The following SCEL variants were observed in gnomAD, a reference collection of about 807,000 sequenced individuals.
SCEL encodes the protein sciellin.
SCEL carries 113 observed loss-of-function variants against 117.6 expected under a neutral mutation model. The observed-to-expected ratio is 0.96, with a 90% confidence interval of 0.83 to 1.12. The LOEUF (loss-of-function observed/expected upper bound fraction) is 1.12, where lower values mean the gene tolerates loss of function less well. Ranked by LOEUF, SCEL falls within the 50% of genes most tolerant of loss-of-function variation. The pLI is 0.00. For missense variants in SCEL, 785 were observed against 810.8 expected (o/e 0.97, Z 0.39); for synonymous variants, 270 against 256.2 (o/e 1.05, Z -0.51).
intron 1 of SCEL, among the ~76,000 whole-genome samples, chr13:77,555,269 AGTT>A (rs2084588100): frequency 6.6e-6 from 1 of 152,204 alleles, no homozygotes; most frequent in Non-Finnish European, 1.5e-5. Context: ...CCAGAAGAGT[AGTT>A]CAGGAACTTT....
intron 1 of SCEL, among the ~76,000 whole-genome samples, chr13:77,538,430 T>C (rs1275962314): frequency 6.6e-6 from 1 of 152,154 alleles, no homozygotes; most frequent in African/African-American, 2.4e-5. Context: ...TCAAAAGTCT[T>C]TATCAGTTAT....
rs572192820 is a variant in SCEL at position 77,557,497 on chromosome 13, C to T, written c.161+784C>T. Among the ~76,000 whole-genome samples, 435 of 152,264 alleles carry T rather than the reference C, an allele frequency of 2.9e-3. 1 individual carries two copies. Among genetic ancestry groups the T allele is most frequent in the Non-Finnish European group, 5.1e-3 (346 of 68,014 alleles). On this transcript the variant is annotated intron_variant, in intron 3 of 32. Coordinates refer to ENST00000349847, the MANE Select transcript of SCEL (RefSeq NM_144777.3). ...CCACTAATTTTACAATAAAACACAA[C>T]GTAGGTGTTATATCTCCTCATTTTA...
At chr13:77,630,549 C>T (rs759401516) in intron 28 of SCEL, among the ~76,000 whole-genome samples, 4 of 152,040 alleles carry the variant, frequency 2.6e-5, no homozygotes, top group African/African-American at 4.8e-5. Flanking sequence ...TAGGTGTATA[C>T]CAGGAGTGAA....
intron 16 of SCEL, chr13:77,602,414 AC>A: frequency 2.1e-6 from 1 of 487,086 alleles, no homozygotes; most frequent in Non-Finnish European, 3.6e-6. Context: ...AATATAAAGG[AC>A]AAAATTGCAC....
At chr13:77,565,361 T>C (rs2085230561) in intron 5 of SCEL, among the ~76,000 whole-genome samples, 1 of 152,044 alleles carries the variant, frequency 6.6e-6, no homozygotes, top group Non-Finnish European at 1.5e-5. Context: ...GTAATTCTTA[T>C]GTGCAGCTGA....
intron 8 of SCEL, among the ~76,000 whole-genome samples, chr13:77,571,068 G>T (rs1368216149): frequency 6.6e-6 from 1 of 151,032 alleles, no homozygotes; most frequent in Non-Finnish European, 1.5e-5. Context: ...CTGACCTCGT[G>T]ATCCACCCGC....
Position 77,604,401 on chromosome 13 carries a change from T to G in SCEL, c.1143T>G (p.Asn381Lys). The G allele has an allele frequency of 6.3e-7, 1 of 1,577,450 alleles. No homozygotes were observed. Residue 381 changes from asparagine (N) to lysine (K), a missense_variant, in exon 19 of 33, where the codon AAT (asparagine) becomes AAG (lysine). Transcript: ENST00000349847. ...DGLIKVDPET[N>K]KNITRGQSLD... ...TTATTAAAGTGGATCCTGAAACAAA[T>G]AAAAATATTACGAGGTAAGACATTT...
intron 27 of SCEL, among the ~76,000 whole-genome samples, chr13:77,624,020 C>T (rs1165034475): frequency 4.0e-5 from 6 of 151,772 alleles, no homozygotes; most frequent in South Asian, 2.1e-4. Flanking sequence ...GTTCCTTCCA[C>T]GGAGTTGGTT....
intron 23 of SCEL, among the ~76,000 whole-genome samples, chr13:77,613,418 A>G (rs987381829): frequency 6.6e-6 from 1 of 152,220 alleles, no homozygotes; most frequent in African/African-American, 2.4e-5. Context: ...AAGATCCATT[A>G]TACACTGGAC....
At chr13:77,599,596 C>A in intron 14 of SCEL, 93 bp from the exon 15 acceptor site, 2 of 1,001,828 alleles carry the variant, frequency 2.0e-6, no homozygotes, top group Non-Finnish European at 3.2e-6. Flanking sequence ...ATGAGCAATT[C>A]ATGGAGAATG....
intron 11 of SCEL, among the ~76,000 whole-genome samples, chr13:77,591,789 A>G (rs1458672568): frequency 2.0e-5 from 3 of 152,176 alleles, no homozygotes; most frequent in Non-Finnish European, 4.4e-5. Context: ...TGGATGTATA[A>G]AGAGGTGGAA....
intron 22 of SCEL, 122 bp from the exon 23 acceptor site, chr13:77,612,769 A>G (rs781005409): frequency 7.4e-6 from 4 of 536,998 alleles, no homozygotes; most frequent in African/African-American, 2.0e-5. Context: ...ACATAAGGCT[A>G]AAAGTTTAAG....
Position 77,617,562 on chromosome 13 carries a change from C to G in SCEL, c.1452-37C>G, listed in dbSNP as rs1319089817. 2.3e-6 allele frequency: 3 copies of G among 1,277,450 alleles called. No individual in the cohort carries two copies. The South Asian group carries it at 3.8e-5, about 16-fold the overall frequency. The allele number at this position is 1,277,450 out of a possible 1,614,324, so 79.1% of individuals were successfully genotyped here. Reference sequence around the variant, plus strand: ...AATTACCTTAAACCTGTGATTATCTCTAACCCAAGTTGCTTTAATATTTTT... The same window carrying G: ...AATTACCTTAAACCTGTGATTATCTGTAACCCAAGTTGCTTTAATATTTTT... On this transcript the variant is annotated intron_variant, in intron 24 of 32. Coordinates refer to ENST00000349847, the MANE Select transcript of SCEL (RefSeq NM_144777.3).
intron 8 of SCEL, among the ~76,000 whole-genome samples, chr13:77,571,644 G>T (rs1381858257): frequency 2.0e-5 from 3 of 151,410 alleles, no homozygotes. Flanking sequence ...AGCGGAGATC[G>T]CGCCATTACA....
chr13:77,585,536 G>A (rs2086514394), intron 9 of SCEL, among the ~76,000 whole-genome samples: 1 of 152,050 alleles, frequency 6.6e-6, no homozygotes, highest in African/African-American at 2.4e-5. Flanking sequence ...GCGCTCTTCT[G>A]GCTTCAATGT....
intron 14 of SCEL, 50 bp downstream of exon 14, chr13:77,599,438 T>C: frequency 6.8e-7 from 1 of 1,468,608 alleles, no homozygotes; most frequent in Non-Finnish European, 9.5e-7. Context: ...AGATTGCTCG[T>C]CTTATTCCCT....
intron 3 of SCEL, among the ~76,000 whole-genome samples, chr13:77,559,028 T>C (rs141166739): frequency 6.6e-6 from 1 of 152,238 alleles, no homozygotes; most frequent in African/African-American, 2.4e-5. Flanking sequence ...AAAGTAAGAA[T>C]GATATTACTT....
At chr13:77,542,033 G>T (rs1017880106) in intron 1 of SCEL, among the ~76,000 whole-genome samples, 1 of 152,174 alleles carries the variant, frequency 6.6e-6, no homozygotes, top group African/African-American at 2.4e-5. Context: ...ATGAATATTA[G>T]ACCAGTGTTT....
rs543584025 is a variant in SCEL, at chr13:77,537,292, C to G, written c.-20+1468C>G. On this transcript the variant is annotated intron_variant, in intron 1 of 32. Transcript: ENST00000349847. The stretch of plus-strand genomic sequence containing the variant: ...GCCTGAATTTTCTAGTTGAGAAAAT[C>G]AAAGCATAAATGTTAAGCAACTTGT... Among the ~76,000 whole-genome samples the G allele has an allele frequency of 8.5e-5, 13 of 152,310 alleles. No homozygotes were observed. In the South Asian group the frequency reaches 2.5e-3, roughly 29 times the overall value.
Sources: gnomAD v4.1 joint callset for allele counts (sites outside exome capture counted in the v4.1 genomes callset) on GRCh38, gnomAD v4.1.1 for gene constraint, MANE v1.5 for transcripts, NCBI Gene and HGNC (gene_info 2026-07-23, HGNC 2026-07-21) for gene names.